The following FNBP1L variants were observed in gnomAD, a reference collection of about 807,000 sequenced individuals.
The protein encoded by FNBP1L is formin-binding protein 1-like.
Under a neutral mutation model 91.2 loss-of-function variants are expected in FNBP1L, and 36 were observed. The observed-to-expected ratio is 0.39, with a 90% CI of 0.30 to 0.52. The LOEUF (loss-of-function observed/expected upper bound fraction) is 0.52, where lower values mean the gene tolerates loss of function less well. FNBP1L is among the 20% of genes least tolerant of loss of function. The pLI is 0.66. For synonymous variants in FNBP1L, 242 were observed against 237.0 expected (o/e 1.02, Z -0.19); for missense variants, 571 against 732.1 (o/e 0.78, Z 2.54).
intron 2 of FNBP1L, among the ~76,000 whole-genome samples, chr1:93,508,981 A>G (rs936404172): frequency 9.9e-5 from 15 of 152,218 alleles, no homozygotes; most frequent in African/African-American, 3.6e-4. Context: ...TTCAGCAGAA[A>G]GAGAGCATGC....
chr1:93,512,869 A>G (rs1303543545), intron 2 of FNBP1L, among the ~76,000 whole-genome samples: 4 of 152,074 alleles, frequency 2.6e-5, no homozygotes, highest in Admixed American at 1.3e-4. Context: ...AGAACTAGAA[A>G]AGCAAGAGCA....
At chr1:93,518,419 A>AT (rs1299130338) in intron 2 of FNBP1L, among the ~76,000 whole-genome samples, 1 of 152,102 alleles carries the variant, frequency 6.6e-6, no homozygotes, top group South Asian at 2.1e-4. Context: ...CTCTTTGTGT[A>AT]TTTTTTCCTT....
At chr1:93,501,393 C>T (rs1044340562) in intron 2 of FNBP1L, among the ~76,000 whole-genome samples, 13 of 152,060 alleles carry the variant, frequency 8.5e-5, no homozygotes, top group African/African-American at 1.4e-4. Flanking sequence ...GGCATGCCCC[C>T]GGCTTCTGGC....
At chr1:93,453,042 C>G (rs1300585352) in intron 1 of FNBP1L, among the ~76,000 whole-genome samples, 1 of 152,154 alleles carries the variant, frequency 6.6e-6, no homozygotes. Context: ...CTCTGTTGAC[C>G]AATTCCTATC....
Position 93,486,259 on chromosome 1 carries a change from C to T in FNBP1L, c.25-13209C>T, listed in dbSNP as rs574173790. Among the ~76,000 whole-genome samples, 6 of 152,036 alleles carry T rather than the reference C, an allele frequency of 3.9e-5. No homozygotes were observed. In the South Asian group the frequency reaches 6.2e-4, roughly 16 times the overall value. ...TTTGGTCTCATATACCTTTATTGCA[C>T]GGATGTACCACTATTTTGGTGTAAT... On this transcript the variant is annotated intron_variant, in intron 1 of 16. Transcript: ENST00000271234.
chr1:93,490,278 A>G (rs945655905), intron 1 of FNBP1L, among the ~76,000 whole-genome samples: 5 of 152,204 alleles, frequency 3.3e-5, no homozygotes, highest in African/African-American at 1.2e-4. Context: ...GTAGCAACAT[A>G]TAATTCGAGT....
At chr1:93,494,610 C>CA (rs1557791117) in intron 1 of FNBP1L, among the ~76,000 whole-genome samples, 1 of 152,124 alleles carries the variant, frequency 6.6e-6, no homozygotes, top group East Asian at 1.9e-4. Context: ...TTATGAATAA[C>CA]AAAAGATGCT....
chr1:93,536,348 T>C lies in FNBP1L; in HGVS notation c.1007T>C (p.Leu336Ser). 1 of 1,541,688 alleles carries C rather than the reference T, an allele frequency of 6.5e-7. No individual in the cohort carries two copies. The highest frequency in any genetic ancestry group is 8.8e-7 in the Non-Finnish European group (1 of 1,142,048). The change falls in exon 10 of 17, where the codon TTA becomes TCA. Residue 336 changes from leucine (L) to serine (S), a missense_variant. Around this residue, in one of 5 missense-constraint regions of FNBP1L, gnomAD observed 150 missense variants for 155.9 expected, o/e 0.96. Transcript: ENST00000271234. ...CCATATTAGCCACAGTCCCCACCCTTAACCCCTACTAGTTTATTCACATCC... is the reference window on the plus strand; with the variant it reads ...CCATATTAGCCACAGTCCCCACCCTCAACCCCTACTAGTTTATTCACATCC... ...GKKPKPQSPP[L>S]TPTSLFTSST...
intron 16 of FNBP1L, chr1:93,551,482 T>G (rs1672414847): frequency 7.1e-6 from 7 of 988,452 alleles, no homozygotes; most frequent in Non-Finnish European, 7.2e-6. Context: ...ACACAGTGAC[T>G]TTAGTGAATT....
chr1:93,494,661 CA>C lies in FNBP1L; in HGVS notation c.25-4806del, dbSNP rs1025687255. 7.2e-5 allele frequency among the ~76,000 whole-genome samples: 11 copies of C among 152,174 alleles called. No individual in the cohort carries two copies. In the East Asian group the frequency reaches 9.6e-4, roughly 13 times the overall value. ...ACTCAGGGAATAAGGGTTTTAGAATCAGGGGTGGAGACCAAATGTATATATT... is the reference window on the plus strand; with the variant it reads ...ACTCAGGGAATAAGGGTTTTAGAATCGGGGTGGAGACCAAATGTATATATT... On this transcript the variant is annotated intron_variant, in intron 1 of 16. Coordinates refer to ENST00000271234, the MANE Select transcript of FNBP1L (RefSeq NM_001164473.3).
At chr1:93,520,241 G>A (rs1671278491) in intron 2 of FNBP1L, among the ~76,000 whole-genome samples, 1 of 152,150 alleles carries the variant, frequency 6.6e-6, no homozygotes, top group Admixed American at 6.5e-5. Context: ...TAGACAATTT[G>A]TAGAATGAAT....
chr1:93,483,093 G>A (rs566715634), intron 1 of FNBP1L, among the ~76,000 whole-genome samples: 68 of 150,852 alleles, frequency 4.5e-4, no homozygotes, highest in Non-Finnish European at 6.9e-4. Flanking sequence ...CTACTCAGGT[G>A]AGAGGACCAC....
intron 2 of FNBP1L, among the ~76,000 whole-genome samples, chr1:93,509,331 G>C (rs1169900970): frequency 6.6e-6 from 1 of 152,186 alleles, no homozygotes; most frequent in Non-Finnish European, 1.5e-5. Context: ...CAGAGAATGA[G>C]GGAGCCCAGA....
intron 1 of FNBP1L, among the ~76,000 whole-genome samples, chr1:93,466,183 C>G (rs1451844757): frequency 6.6e-6 from 1 of 151,998 alleles, no homozygotes; most frequent in African/African-American, 2.4e-5. Context: ...TTTCTTTTGC[C>G]ATGCAGAAGC....
chr1:93,540,066 G>A (rs1344438474), intron 10 of FNBP1L, among the ~76,000 whole-genome samples: 3 of 143,988 alleles, frequency 2.1e-5, no homozygotes, highest in African/African-American at 3.0e-5. Context: ...CTGGGTCACC[G>A]TGTGTGTGTA....
intron 10 of FNBP1L, among the ~76,000 whole-genome samples, chr1:93,538,605 T>A (rs1009676493): frequency 1.3e-5 from 2 of 152,096 alleles, no homozygotes; most frequent in African/African-American, 4.8e-5. Flanking sequence ...TCTCAAAAAT[T>A]AACCTATAGA....
intron 1 of FNBP1L, among the ~76,000 whole-genome samples, chr1:93,487,143 A>G (rs72721020): frequency 0.067 from 10,226 of 152,244 alleles, 388 homozygotes; most frequent in South Asian, 0.12. Flanking sequence ...TCTTTTTACT[A>G]CTTTTAATAG....
intron 11 of FNBP1L, 92 bp from the exon 12 acceptor site, chr1:93,544,015 G>T (rs1672134192): frequency 1.2e-6 from 1 of 842,746 alleles, no homozygotes; most frequent in Non-Finnish European, 1.7e-6. Flanking sequence ...TTAAACTTAA[G>T]ATTGGTATGT....
Position 93,534,858 on chromosome 1 carries a change from A to G in FNBP1L, c.940A>G (p.Thr314Ala), listed in dbSNP as rs1021219358. The change falls in exon 9 of 17, where the codon ACA (threonine) becomes GCA (alanine). Residue 314 changes from threonine to alanine, a missense_variant. Physicochemically the swap from Thr to Ala is moderately conservative, Grantham distance 58. Coordinates refer to ENST00000271234, the MANE Select transcript of FNBP1L (RefSeq NM_001164473.3). ...QESGKMDAKT[T>A]VGKAKGKLWL... is the part of the protein sequence containing the mutation. ...GAGTGGGAAGATGGATGCCAAAACC[A>G]CAGTAGGAAAGGCCAAGGGCAAATT... The G allele has an allele frequency of 2.5e-6, 4 of 1,580,506 alleles. No individual in the cohort carries two copies. Among genetic ancestry groups the G allele is most frequent in the Middle Eastern group, 1.7e-4 (1 of 6,016 alleles).
Sources: gnomAD v4.1 joint callset for allele counts (sites outside exome capture counted in the v4.1 genomes callset) on GRCh38, gnomAD v4.1.1 for gene constraint, gnomAD v4.1.1 regional missense constraint, MANE v1.5 for transcripts, NCBI Gene and HGNC (gene_info 2026-07-23, HGNC 2026-07-21) for gene names.